The following SESN1 variants were observed in gnomAD, a reference collection of about 807,000 sequenced individuals.
SESN1 encodes sestrin 1.
SESN1 carries 30 observed loss-of-function variants against 59.3 expected under a neutral mutation model. The observed-to-expected ratio is 0.51, with a 90% CI of 0.38 to 0.69. SESN1 has a LOEUF of 0.69. Ranked by LOEUF, SESN1 falls within the 30% of genes least tolerant of loss-of-function variation. The pLI, the probability that SESN1 is intolerant of heterozygous loss-of-function variation, is 0.00. For synonymous variants in SESN1, 197 were observed against 219.9 expected, an observed-to-expected ratio of 0.90 and a Z score of 0.92; for missense variants, 566 against 673.0, an observed-to-expected ratio of 0.84 and a Z score of 1.76.
At chr6:109,047,947 A>C (rs1209007160) in intron 1 of SESN1, among the ~76,000 whole-genome samples, 3 of 147,092 alleles carry the variant, frequency 2.0e-5, no homozygotes, top group African/African-American at 5.0e-5. Context: ...ACCCAGGGAC[A>C]CAAACACTGC....
intron 1 of SESN1, among the ~76,000 whole-genome samples, chr6:109,072,519 A>G (rs995329070): frequency 6.6e-5 from 10 of 152,198 alleles, no homozygotes; most frequent in African/African-American, 2.4e-4. Flanking sequence ...GCATCTCTAG[A>G]CTAAGAAATG....
Position 108,989,566 on chromosome 6 carries a change from T to G in SESN1, c.1425-879A>C, listed in dbSNP as rs528345692. On this transcript the variant is annotated intron_variant, in intron 8 of 9. Transcript: ENST00000436639. ...ATATCTCTAGATCTAGATCTCTAGATCTAGAGATATCTATATATAGAGAGA... is the reference window on the plus strand; with the variant it reads ...ATATCTCTAGATCTAGATCTCTAGAGCTAGAGATATCTATATATAGAGAGA... Among the ~76,000 whole-genome samples the G allele has an allele frequency of 5.7e-5, 6 of 104,654 alleles. No homozygotes were observed. The East Asian group carries it at 6.9e-4, about 12-fold the overall frequency. 68.7% of individuals were successfully genotyped at this position (104,654 alleles called of 152,430 possible). A position where few individuals can be genotyped will look rare whatever the true frequency, so the allele number is the denominator to read the frequency against.
chr6:109,061,851 T>C (rs1457820266), intron 1 of SESN1, among the ~76,000 whole-genome samples: 3 of 152,192 alleles, frequency 2.0e-5, no homozygotes, highest in Admixed American at 1.3e-4. Context: ...GTTTTTACTA[T>C]GTGCCTAATG....
At chr6:109,083,422 A>T (rs1025133107) in intron 1 of SESN1, among the ~76,000 whole-genome samples, 5 of 152,224 alleles carry the variant, frequency 3.3e-5, no homozygotes, top group Non-Finnish European at 2.9e-5. Flanking sequence ...CAAAAAATAG[A>T]TAAGCATAGG....
intron 1 of SESN1, among the ~76,000 whole-genome samples, chr6:109,028,356 T>C (rs1386474183): frequency 6.6e-6 from 1 of 152,172 alleles, no homozygotes; most frequent in East Asian, 1.9e-4. Flanking sequence ...CAGATAACTT[T>C]TTGGAGTAGG....
At chr6:109,008,586 A>G (rs1779783302) in intron 1 of SESN1, among the ~76,000 whole-genome samples, 1 of 152,254 alleles carries the variant, frequency 6.6e-6, no homozygotes, top group African/African-American at 2.4e-5. Flanking sequence ...TGCAGAAAAA[A>G]TAATTCACAT....
In SESN1 at chr6:109,064,589, A is replaced by AGAGGGGAGGGAAGGG. The variant is rs1780786755; in HGVS notation, c.279+29205_279+29206insCCCTTCCCTCCCCTC. ...AGAGGAGGGGAGAGGAGAGGAGAGG[A>AGAGGGGAGGGAAGGG]GAGGGGAGGGGAGGGGAGGGGAGGG... On this transcript the variant is annotated intron_variant, in intron 1 of 9. Coordinates refer to ENST00000436639, the MANE Select transcript of SESN1 (RefSeq NM_014454.3). Among the ~76,000 whole-genome samples, 16 of 46,252 alleles carry AGAGGGGAGGGAAGGG rather than the reference A, an allele frequency of 3.5e-4. 1 individual carries two copies. The highest frequency in any genetic ancestry group is 8.2e-4 in the African/African-American group (7 of 8,498). The allele number at this position is 46,252 out of a possible 152,430, so 30.3% of individuals were successfully genotyped here.
At chr6:109,044,291 G>T (rs1224594352) in intron 1 of SESN1, among the ~76,000 whole-genome samples, 1 of 98,466 alleles carries the variant, frequency 1.0e-5, no homozygotes, top group East Asian at 3.6e-4. Context: ...CAGCCTAGAT[G>T]ACACAGTGAG....
intron 1 of SESN1, among the ~76,000 whole-genome samples, chr6:109,041,296 T>A (rs985871789): frequency 2.6e-5 from 4 of 151,954 alleles, no homozygotes; most frequent in African/African-American, 9.7e-5. Flanking sequence ...AGTGAGACTC[T>A]GTCTCAAAAA....
chr6:108,987,599 C>A lies in SESN1; in HGVS notation c.1601G>T (p.Arg534Met). 2 of 1,603,402 alleles carry A rather than the reference C, an allele frequency of 1.2e-6. No homozygotes were observed. The highest frequency in any genetic ancestry group is 1.7e-6 in the Non-Finnish European group (2 of 1,171,228). ...AGCATAAAGGAGTTCTGCTTGCATC[C>A]TAGCTTCTATAAGAAGCAGATTAAC... ...VHVNLLLIEA[R>M]MQAELLYALR... The change falls in exon 10 of 10, where the codon AGG (arginine) becomes ATG (methionine). Residue 534 changes from arginine to methionine, a missense_variant. Physicochemically the swap from Arg to Met is moderately conservative, Grantham distance 91. Coordinates refer to ENST00000436639, the MANE Select transcript of SESN1 (RefSeq NM_014454.3).
At chr6:109,064,619 G>A (rs1215427294) in intron 1 of SESN1, among the ~76,000 whole-genome samples, 1 of 14,806 alleles carries the variant, frequency 6.8e-5, no homozygotes, top group Non-Finnish European at 1.6e-4. Flanking sequence ...GGAGGGGAGG[G>A]GAGGGGAGGG....
At chr6:109,037,584 A>C (rs920996065) in intron 1 of SESN1, among the ~76,000 whole-genome samples, 2 of 152,248 alleles carry the variant, frequency 1.3e-5, no homozygotes, top group Non-Finnish European at 2.9e-5. Context: ...GCTAGAATAG[A>C]TTTGGAGCAT....
Position 109,042,171 on chromosome 6 carries a change from A to G in SESN1, c.280-39828T>C, listed in dbSNP as rs114306619. Among the ~76,000 whole-genome samples, 1,185 of 152,230 alleles carry G rather than the reference A, an allele frequency of 7.8e-3. 21 individuals are homozygous for G. Among genetic ancestry groups the G allele is most frequent in the African/African-American group, 0.027 (1,140 of 41,570 alleles). On this transcript the variant is annotated intron_variant, in intron 1 of 9. Coordinates refer to ENST00000436639, the MANE Select transcript of SESN1 (RefSeq NM_014454.3). Reference sequence around the variant, plus strand: ...TATTGAATAGGATGAAAATGAAAATACAACATATCAAAATTTGTGGGACAC... The same window carrying G: ...TATTGAATAGGATGAAAATGAAAATGCAACATATCAAAATTTGTGGGACAC...
At chr6:109,006,426 C>T (rs1779732510) in intron 1 of SESN1, among the ~76,000 whole-genome samples, 1 of 151,616 alleles carries the variant, frequency 6.6e-6, no homozygotes. Flanking sequence ...TTAGGTATAT[C>T]TCCTAATGCT....
chr6:109,070,975 GGGAAGGACGTTTTCCTC>G (rs1780924710), intron 1 of SESN1, among the ~76,000 whole-genome samples: 1 of 152,190 alleles, frequency 6.6e-6, no homozygotes, highest in Non-Finnish European at 1.5e-5. Flanking sequence ...TACCCAGGTA[GGGAAGGACGTTTTCCTC>G]CTGGTTTACC....
At chr6:109,020,869 A>C (rs1047294940) in intron 1 of SESN1, among the ~76,000 whole-genome samples, 3 of 152,188 alleles carry the variant, frequency 2.0e-5, no homozygotes, top group Non-Finnish European at 4.4e-5. Flanking sequence ...ATCATGAACA[A>C]CACTTCTTTT....
chr6:109,041,409 A>C (rs1780340875), intron 1 of SESN1, among the ~76,000 whole-genome samples: 1 of 152,234 alleles, frequency 6.6e-6, no homozygotes, highest in Non-Finnish European at 1.5e-5. Flanking sequence ...AAATCTACCA[A>C]ACATACTTGT....
At chr6:109,002,021 G>T (rs1283078122) in intron 2 of SESN1, among the ~76,000 whole-genome samples, 1 of 151,034 alleles carries the variant, frequency 6.6e-6, no homozygotes. Context: ...AGCAGATGTT[G>T]TATCACTGGT....
At chr6:108,995,324 T>C (rs1005282516) in intron 5 of SESN1, among the ~76,000 whole-genome samples, 1 of 152,242 alleles carries the variant, frequency 6.6e-6, no homozygotes, top group African/African-American at 2.4e-5. Context: ...TGGGCATACA[T>C]ATTGTCAATG....
Sources: gnomAD v4.1 joint callset for allele counts (sites outside exome capture counted in the v4.1 genomes callset) on GRCh38, gnomAD v4.1.1 for gene constraint, MANE v1.5 for transcripts, NCBI Gene and HGNC (gene_info 2026-07-23, HGNC 2026-07-21) for gene names.